The following MCC variants were observed in gnomAD, a reference collection of about 807,000 sequenced individuals.
MCC encodes MCC regulator of Wnt signaling pathway.
MCC carries 90 observed loss-of-function variants against 116.2 expected under a neutral mutation model. The observed-to-expected ratio is 0.77, with a 90% CI of 0.65 to 0.92. The LOEUF (loss-of-function observed/expected upper bound fraction) is 0.92. Among genes scored for constraint, MCC ranks in the 40% least tolerant of loss-of-function variants. The pLI, the probability that MCC is intolerant of heterozygous loss-of-function variation, is 0.00. For missense variants in MCC, 1,516 were observed against 1,312.2 expected (o/e 1.16, Z -2.40); for synonymous variants, 578 against 510.5 (o/e 1.13, Z -1.78).
chr5:113,476,067 C>A lies in MCC; in HGVS notation c.170+12178G>T, dbSNP rs1772226501. ...AAGACTGTAAAATGATCCTGTGGGC[C>A]AGAGGAAAAATCAAAAGTACCCTGA... is the stretch of plus-strand genomic sequence containing the variant. On this transcript the variant is annotated intron_variant, in intron 1 of 18. Coordinates refer to ENST00000408903, the MANE Select transcript of MCC (RefSeq NM_001085377.2). Among the ~76,000 whole-genome samples, 11 of 152,134 alleles carry A rather than the reference C, an allele frequency of 7.2e-5. No homozygotes were observed. The South Asian group carries it at 2.3e-3, about 32-fold the overall frequency.
intron 1 of MCC, among the ~76,000 whole-genome samples, chr5:113,395,440 T>C (rs181925935): frequency 3.8e-3 from 579 of 152,338 alleles, no homozygotes; most frequent in Non-Finnish European, 5.2e-3. Context: ...CCAAAGAAGA[T>C]AGCTACAGAT....
intron 6 of MCC, among the ~76,000 whole-genome samples, chr5:113,108,331 TAAAA>T (rs56780207): frequency 0.069 from 2,966 of 42,830 alleles, 80 homozygotes; most frequent in African/African-American, 0.14. Flanking sequence ...CACTCTATCT[TAAAA>T]AAAAAAAAAA....
At chr5:113,064,865 C>T (rs529103554) in intron 13 of MCC, among the ~76,000 whole-genome samples, 2 of 152,256 alleles carry the variant, frequency 1.3e-5, no homozygotes, top group South Asian at 2.1e-4. Context: ...TGATTTAAGA[C>T]TGTGCTGGAA....
At chr5:113,091,051 G>A (rs1300789819) in intron 8 of MCC, among the ~76,000 whole-genome samples, 1 of 152,176 alleles carries the variant, frequency 6.6e-6, no homozygotes, top group African/African-American at 2.4e-5. Context: ...TGATCCCTCT[G>A]CCTCACGCCT....
intron 5 of MCC, among the ~76,000 whole-genome samples, chr5:113,126,043 G>T (rs1014670873): frequency 2.6e-5 from 4 of 152,130 alleles, no homozygotes; most frequent in African/African-American, 9.7e-5. Context: ...TATAATAATG[G>T]AATGACAAAG....
At chr5:113,171,802 G>A (rs1581197775) in intron 3 of MCC, among the ~76,000 whole-genome samples, 1 of 152,108 alleles carries the variant, frequency 6.6e-6, no homozygotes, top group Non-Finnish European at 1.5e-5. Context: ...TTCTAGCTAC[G>A]AAGAGCTTCA....
chr5:113,048,946 CCTT>C lies in MCC; in HGVS notation c.2655+144_2655+146del, dbSNP rs1252883236. 1.8e-4 allele frequency: 131 copies of C among 716,862 alleles called. No individual in the cohort carries two copies. In the Middle Eastern group the frequency reaches 3.0e-3, roughly 16 times the overall value. The allele number at this position is 716,862 out of a possible 1,614,324, so 44.4% of individuals were successfully genotyped here. On this transcript the variant is annotated intron_variant, in intron 16 of 18. Coordinates refer to ENST00000408903, the MANE Select transcript of MCC (RefSeq NM_001085377.2). ...TGGTTTCATTACACTCAAAATGTCA[CCTT>C]CTTAGATACCTACGAATGGCCTGCA...
At chr5:113,443,916 T>C (rs1195462394) in intron 1 of MCC, among the ~76,000 whole-genome samples, 3 of 152,046 alleles carry the variant, frequency 2.0e-5, no homozygotes, top group Non-Finnish European at 4.4e-5. Context: ...CTCCACCTCC[T>C]GGTTCAAGCA....
intron 3 of MCC, among the ~76,000 whole-genome samples, chr5:113,311,430 G>A (rs1193946866): frequency 6.6e-6 from 1 of 152,156 alleles, no homozygotes; most frequent in Non-Finnish European, 1.5e-5. Flanking sequence ...ATAAGAGACA[G>A]GTTCAGCAGT....
At chr5:113,455,085 G>A (rs1004673724) in intron 1 of MCC, among the ~76,000 whole-genome samples, 1 of 151,990 alleles carries the variant, frequency 6.6e-6, no homozygotes, top group Non-Finnish European at 1.5e-5. Context: ...TCCTCCCACC[G>A]CACCAAAGAT....
At chr5:113,281,990 T>C (rs1186807139) in intron 3 of MCC, among the ~76,000 whole-genome samples, 1 of 152,222 alleles carries the variant, frequency 6.6e-6, no homozygotes, top group African/African-American at 2.4e-5. Flanking sequence ...AATCACTATA[T>C]GGGTTATGTC....
At chr5:113,247,601 G>A (rs777973585) in intron 3 of MCC, among the ~76,000 whole-genome samples, 5 of 152,188 alleles carry the variant, frequency 3.3e-5, no homozygotes, top group Non-Finnish European at 7.3e-5. Flanking sequence ...ACAGTACAAG[G>A]TGGACTGAAG....
chr5:113,385,538 T>G (rs749428356), intron 1 of MCC, among the ~76,000 whole-genome samples: 5 of 152,222 alleles, frequency 3.3e-5, no homozygotes, highest in Non-Finnish European at 5.9e-5. Flanking sequence ...CTGAAGAGCA[T>G]AGCACTGTAA....
intron 3 of MCC, among the ~76,000 whole-genome samples, chr5:113,208,291 C>A (rs1762992277): frequency 6.6e-6 from 1 of 152,154 alleles, no homozygotes; most frequent in East Asian, 1.9e-4. Flanking sequence ...CAATCCCTTA[C>A]ATGGCACACT....
intron 3 of MCC, among the ~76,000 whole-genome samples, chr5:113,284,731 T>A (rs1010108104): frequency 6.6e-6 from 1 of 152,254 alleles, no homozygotes; most frequent in Non-Finnish European, 1.5e-5. Flanking sequence ...TCTGATTCCA[T>A]GTTTGCCAGG....
intron 3 of MCC, among the ~76,000 whole-genome samples, chr5:113,156,170 G>A (rs142347237): frequency 6.6e-6 from 1 of 152,190 alleles, no homozygotes; most frequent in African/African-American, 2.4e-5. Flanking sequence ...TTACAGAACT[G>A]CAAGAAATAA....
intron 16 of MCC, 140 bp downstream of exon 16, chr5:113,048,953 A>G: frequency 1.3e-6 from 1 of 744,230 alleles, no homozygotes; most frequent in Non-Finnish European, 2.3e-6. Context: ...TCACCTTCTT[A>G]GATACCTACG....
intron 1 of MCC, among the ~76,000 whole-genome samples, chr5:113,420,756 TC>T (rs1325809045): frequency 3.9e-5 from 6 of 152,218 alleles, no homozygotes; most frequent in African/African-American, 1.4e-4. Flanking sequence ...CCCAGTTTTT[TC>T]ATACCAATGA....
intron 3 of MCC, among the ~76,000 whole-genome samples, chr5:113,281,731 G>C (rs769710609): frequency 2.0e-5 from 3 of 152,114 alleles, no homozygotes; most frequent in Non-Finnish European, 4.4e-5. Flanking sequence ...CATTAAGGTA[G>C]AGAAAGAAAA....
Sources: gnomAD v4.1 joint callset for allele counts (sites outside exome capture counted in the v4.1 genomes callset) on GRCh38, gnomAD v4.1.1 for gene constraint, MANE v1.5 for transcripts, NCBI Gene and HGNC (gene_info 2026-07-23, HGNC 2026-07-21) for gene names.